PRSS12: variants seen among roughly 807,000 people sequenced by gnomAD.
The protein encoded by PRSS12 is neurotrypsin.
Under a neutral mutation model 104.4 loss-of-function variants are expected in PRSS12, and 85 were observed. That is an observed-to-expected ratio of 0.81 (90% CI 0.68 to 0.98). The LOEUF is 0.98. Ranked by LOEUF, PRSS12 falls within the 50% of genes least tolerant of loss-of-function variation. PRSS12 has a pLI of 0.00. For synonymous variants in PRSS12, 454 were observed against 425.2 expected (o/e 1.07, Z -0.83); for missense variants, 1,141 against 1,139.2 (o/e 1.00, Z -0.02).
intron 1 of PRSS12, among the ~76,000 whole-genome samples, chr4:118,342,900 A>G (rs1340730038): frequency 6.6e-6 from 1 of 152,202 alleles, no homozygotes; most frequent in Non-Finnish European, 1.5e-5. Flanking sequence ...AAGAAAACAT[A>G]AAAGGTTCAT....
chr4:118,321,760 G>C (rs1723630935), intron 4 of PRSS12, among the ~76,000 whole-genome samples: 1 of 152,124 alleles, frequency 6.6e-6, no homozygotes, highest in Non-Finnish European at 1.5e-5. Flanking sequence ...AAGTAAAGTT[G>C]GGGGAATGGT....
intron 1 of PRSS12, among the ~76,000 whole-genome samples, chr4:118,346,467 T>C (rs1724359358): frequency 1.3e-5 from 2 of 150,250 alleles, no homozygotes; most frequent in African/African-American, 2.4e-5. Context: ...TTTATATATA[T>C]ATATATATAA....
chr4:118,347,815 A>C (rs765319621), intron 1 of PRSS12, among the ~76,000 whole-genome samples: 40 of 152,174 alleles, frequency 2.6e-4, no homozygotes, highest in Non-Finnish European at 5.0e-4. Context: ...CAGCCTCCTA[A>C]AGTGCTGCGA....
At chr4:118,306,359 T>C (rs1342983945) in intron 8 of PRSS12, among the ~76,000 whole-genome samples, 14 of 152,168 alleles carry the variant, frequency 9.2e-5, no homozygotes, top group African/African-American at 3.4e-4. Flanking sequence ...GAAATACCTG[T>C]GACTAGGTAA....
chr4:118,282,059 T>TCCGG lies in PRSS12; in HGVS notation c.2501_2504dup (p.Glu836ArgfsTer111), dbSNP rs1325813051. The TCCGG allele has an allele frequency of 6.2e-7, 1 of 1,614,030 alleles. No homozygotes were observed. Among genetic ancestry groups the TCCGG allele is most frequent in the Non-Finnish European group, 8.5e-7 (1 of 1,180,048 alleles). Reference sequence around the variant, plus strand: ...TCACCCCATACACCACCCAGCTCTCTCCGGGCCGTTCACACATGAGTGGTC... The same window carrying TCCGG: ...TCACCCCATACACCACCCAGCTCTCTCCGGCCGGGCCGTTCACACATGAGTGGTC... On this transcript the variant is annotated frameshift_variant, in exon 13 of 13. Coordinates refer to ENST00000296498, the MANE Select transcript of PRSS12 (RefSeq NM_003619.4). LOFTEE classifies it high-confidence loss of function.
intron 4 of PRSS12, among the ~76,000 whole-genome samples, chr4:118,326,296 T>C (rs889687729): frequency 2.2e-4 from 33 of 152,216 alleles, no homozygotes; most frequent in Non-Finnish European, 1.3e-4. Context: ...TCTCCAATAA[T>C]GATGTTTGAT....
intron 1 of PRSS12, among the ~76,000 whole-genome samples, chr4:118,341,893 C>CT (rs767469987): frequency 3.3e-5 from 5 of 152,268 alleles, no homozygotes; most frequent in Non-Finnish European, 5.9e-5. Flanking sequence ...TCAGATATTA[C>CT]TTTATGCATT....
chr4:118,297,337 A>T (rs1743276353), intron 9 of PRSS12, among the ~76,000 whole-genome samples: 1 of 152,136 alleles, frequency 6.6e-6, no homozygotes, highest in Non-Finnish European at 1.5e-5. Flanking sequence ...AATGTTTTTT[A>T]TGTTTTTCAA....
rs536027404 is a variant in PRSS12 at position 118,289,591 on chromosome 4, T to C, written c.2039+5348A>G. ...ATTTTGCAAATTTCAGTGTTTCTGA[T>C]GATGAAAGGAGGATTTGTTTTAAGC... On this transcript the variant is annotated intron_variant, in intron 11 of 12. Transcript: ENST00000296498. 3.3e-5 allele frequency among the ~76,000 whole-genome samples: 5 copies of C among 152,314 alleles called. No individual in the cohort carries two copies. The East Asian group carries it at 9.6e-4, about 29-fold the overall frequency.
intron 4 of PRSS12, among the ~76,000 whole-genome samples, chr4:118,319,386 T>A (rs1051526302): frequency 6.6e-6 from 1 of 151,980 alleles, no homozygotes; most frequent in Admixed American, 6.6e-5. Flanking sequence ...TGACCAGTGA[T>A]ATTTAGGTGG....
chr4:118,310,582 A>G (rs1296201366), intron 7 of PRSS12, among the ~76,000 whole-genome samples: 2 of 152,182 alleles, frequency 1.3e-5, no homozygotes, highest in African/African-American at 4.8e-5. Context: ...TCTTAAATAT[A>G]TAAAGTTTTT....
chr4:118,283,348 G>A (rs1742937655), intron 11 of PRSS12, among the ~76,000 whole-genome samples: 1 of 152,166 alleles, frequency 6.6e-6, no homozygotes, highest in South Asian at 2.1e-4. Context: ...CAAATGTGGA[G>A]GATGAGTGGA....
At chr4:118,331,154 C>G (rs1723907061) in intron 4 of PRSS12, among the ~76,000 whole-genome samples, 1 of 152,126 alleles carries the variant, frequency 6.6e-6, no homozygotes, top group Non-Finnish European at 1.5e-5. Flanking sequence ...ATTAGAAGGC[C>G]TAAAATTATA....
At chr4:118,288,012 A>G (rs1743049130) in intron 11 of PRSS12, among the ~76,000 whole-genome samples, 2 of 152,182 alleles carry the variant, frequency 1.3e-5, no homozygotes, top group Non-Finnish European at 2.9e-5. Flanking sequence ...CTCTGAGGCT[A>G]AAGTAAACAA....
intron 1 of PRSS12, among the ~76,000 whole-genome samples, chr4:118,348,151 C>T (rs1235376280): frequency 6.6e-6 from 1 of 152,124 alleles, no homozygotes; most frequent in Non-Finnish European, 1.5e-5. Flanking sequence ...ATTGCTTGAT[C>T]CTGAGAGGCA....
At chr4:118,299,747 AAATAAAAT>A (rs1369510423) in intron 8 of PRSS12, among the ~76,000 whole-genome samples, 2,895 of 45,992 alleles carry the variant, frequency 0.063, 127 homozygotes, top group South Asian at 0.16. Context: ...AAAATAAAAT[AAATAAAAT>A]AAATAAAATT....
chr4:118,332,843 A>AGAAATT (rs1359590039), intron 3 of PRSS12, among the ~76,000 whole-genome samples: 5 of 152,236 alleles, frequency 3.3e-5, no homozygotes, highest in African/African-American at 1.2e-4. Context: ...TCTGATTAAC[A>AGAAATT]AACAGATATC....
chr4:118,297,587 C>T (rs905932167), intron 9 of PRSS12, among the ~76,000 whole-genome samples: 2 of 151,840 alleles, frequency 1.3e-5, no homozygotes, highest in African/African-American at 4.8e-5. Context: ...GTTCTTTTCA[C>T]AATCAGAAGC....
chr4:118,348,455 CAG>C (rs1654863256), intron 1 of PRSS12, among the ~76,000 whole-genome samples: 1 of 152,166 alleles, frequency 6.6e-6, no homozygotes. Context: ...CTGACTGTGA[CAG>C]AGTTTTCAGC....
Sources: allele counts gnomAD v4.1 joint callset (sites outside exome capture counted in the v4.1 genomes callset), GRCh38; gene constraint gnomAD v4.1.1; transcripts MANE v1.5; gene names NCBI Gene and HGNC (gene_info 2026-07-23, HGNC 2026-07-21).